The following FRMD4A variants were observed in gnomAD, a reference collection of about 807,000 sequenced individuals.
FRMD4A encodes the protein FERM domain-containing protein 4A.
Under a neutral mutation model 129.1 loss-of-function variants are expected in FRMD4A, and 29 were observed. That is an observed-to-expected ratio of 0.22 (90% CI 0.17 to 0.31). FRMD4A has a LOEUF of 0.31. Among genes scored for constraint, FRMD4A ranks in the 10% least tolerant of loss-of-function variants. The probability of loss-of-function intolerance (pLI) is 1.00; values close to 1 mark genes in which losing one functional copy is unlikely to be tolerated. For missense variants in FRMD4A, 1,272 were observed against 1,375.8 expected (o/e 0.92, Z 1.19); for synonymous variants, 634 against 571.6 (o/e 1.11, Z -1.56).
intron 24 of FRMD4A, among the ~76,000 whole-genome samples, chr10:13,650,207 CTG>C (rs2081440203): frequency 6.6e-6 from 1 of 152,116 alleles, no homozygotes; most frequent in Non-Finnish European, 1.5e-5. Flanking sequence ...GAATTTCAAA[CTG>C]AATTATTTTT....
intron 2 of FRMD4A, among the ~76,000 whole-genome samples, chr10:14,121,228 C>T (rs1838494422): frequency 6.6e-6 from 1 of 152,180 alleles, no homozygotes; most frequent in South Asian, 2.1e-4. Context: ...GTTAGCCGGG[C>T]ATGGTGGCGT....
At chr10:13,713,912 AATAT>A (rs1222175601) in intron 12 of FRMD4A, among the ~76,000 whole-genome samples, 2 of 134,918 alleles carry the variant, frequency 1.5e-5, no homozygotes, top group Non-Finnish European at 3.1e-5. Context: ...ACATATATGT[AATAT>A]ATATACATAT....
At chr10:14,152,276 C>T (rs987856856) in intron 2 of FRMD4A, among the ~76,000 whole-genome samples, 8 of 151,772 alleles carry the variant, frequency 5.3e-5, no homozygotes, top group Non-Finnish European at 8.8e-5. Context: ...TACAGACACC[C>T]GCCACCACAC....
intron 2 of FRMD4A, among the ~76,000 whole-genome samples, chr10:13,903,954 A>G (rs2094850785): frequency 6.6e-6 from 1 of 152,200 alleles, no homozygotes; most frequent in African/African-American, 2.4e-5. Context: ...TTGCAGTCTT[A>G]AGAACTTAAT....
intron 6 of FRMD4A, among the ~76,000 whole-genome samples, chr10:13,766,726 T>A (rs1450699298): frequency 1.3e-5 from 2 of 152,196 alleles, no homozygotes; most frequent in Admixed American, 1.3e-4. Context: ...TCTACCACGA[T>A]GGAGCAGAGC....
chr10:13,843,135 T>C (rs1369890429), intron 3 of FRMD4A, among the ~76,000 whole-genome samples: 1 of 152,198 alleles, frequency 6.6e-6, no homozygotes, highest in Non-Finnish European at 1.5e-5. Flanking sequence ...ACAGCCTTAA[T>C]CCAACATGCA....
chr10:14,085,051 T>A (rs1836181084), intron 2 of FRMD4A, among the ~76,000 whole-genome samples: 1 of 152,218 alleles, frequency 6.6e-6, no homozygotes, highest in Non-Finnish European at 1.5e-5. Flanking sequence ...ACGCTCTGAA[T>A]CACCTCCTTA....
At chr10:13,815,065 G>T (rs2093519615) in intron 3 of FRMD4A, among the ~76,000 whole-genome samples, 1 of 152,096 alleles carries the variant, frequency 6.6e-6, no homozygotes, top group Admixed American at 6.5e-5. Flanking sequence ...CCTACATCCT[G>T]GATATGTCCC....
chr10:13,912,906 T>A (rs891340341), intron 2 of FRMD4A, among the ~76,000 whole-genome samples: 15 of 151,676 alleles, frequency 9.9e-5, no homozygotes, highest in African/African-American at 3.4e-4. Flanking sequence ...AAACCCCATA[T>A]CTACTAAAAA....
intron 2 of FRMD4A, among the ~76,000 whole-genome samples, chr10:14,073,633 G>A (rs1047636813): frequency 2.0e-5 from 3 of 152,050 alleles, no homozygotes; most frequent in Admixed American, 6.6e-5. Flanking sequence ...GCTTGTCCAA[G>A]GGCTGCTGTA....
At chr10:13,774,544 C>A (rs888994967) in intron 6 of FRMD4A, among the ~76,000 whole-genome samples, 1 of 152,096 alleles carries the variant, frequency 6.6e-6, no homozygotes, top group Admixed American at 6.6e-5. Context: ...AGGACATGTC[C>A]CAGGCAGGAA....
intron 2 of FRMD4A, among the ~76,000 whole-genome samples, chr10:13,971,488 C>T (rs922000964): frequency 1.3e-5 from 2 of 152,162 alleles, no homozygotes; most frequent in Non-Finnish European, 2.9e-5. Context: ...CCGTATGGCA[C>T]GCATGGCACC....
Position 14,189,411 on chromosome 10 carries a change from T to A in FRMD4A, c.45+140647A>T, listed in dbSNP as rs192899591. On this transcript the variant is annotated intron_variant, in intron 2 of 24. Transcript: ENST00000357447. ...CAATATGATGAAACCTGGTCTCTACTAAAAATACAAAAAATAGTCAGGTGT... is the reference window on the plus strand; with the variant it reads ...CAATATGATGAAACCTGGTCTCTACAAAAAATACAAAAAATAGTCAGGTGT... Among the ~76,000 whole-genome samples, 144 of 152,110 alleles carry A rather than the reference T, an allele frequency of 9.5e-4. 2 individuals carry two copies. In the East Asian group the frequency reaches 0.024, roughly 26 times the overall value.
chr10:14,088,408 C>G (rs563486499), intron 2 of FRMD4A, among the ~76,000 whole-genome samples: 24 of 151,158 alleles, frequency 1.6e-4, no homozygotes, highest in African/African-American at 5.8e-4. Flanking sequence ...GATTGTGCCT[C>G]TGCTCCAGCC....
At chr10:14,163,078 TGTG>T (rs1360473111) in intron 2 of FRMD4A, among the ~76,000 whole-genome samples, 1 of 152,174 alleles carries the variant, frequency 6.6e-6, no homozygotes, top group Non-Finnish European at 1.5e-5. Flanking sequence ...GTGGATGTAA[TGTG>T]GGGGTTATTT....
At chr10:14,197,604 G>A (rs916101280) in intron 2 of FRMD4A, among the ~76,000 whole-genome samples, 7 of 152,060 alleles carry the variant, frequency 4.6e-5, no homozygotes, top group East Asian at 1.9e-4. Context: ...CAAGTGATCC[G>A]CCCACCTCTG....
At chr10:14,321,528 G>T (rs1843050483) in intron 2 of FRMD4A, among the ~76,000 whole-genome samples, 1 of 152,084 alleles carries the variant, frequency 6.6e-6, no homozygotes, top group Admixed American at 6.5e-5. Flanking sequence ...TGGAGGAAGG[G>T]ACCCTGGGAC....
chr10:14,259,071 A>G (rs1844712563), intron 2 of FRMD4A, among the ~76,000 whole-genome samples: 1 of 152,196 alleles, frequency 6.6e-6, no homozygotes, highest in Non-Finnish European at 1.5e-5. Flanking sequence ...GTTCACTTTT[A>G]TTATTATAGT....
chr10:13,729,070 A>T (rs1173846516), intron 12 of FRMD4A, among the ~76,000 whole-genome samples: 5 of 149,852 alleles, frequency 3.3e-5, no homozygotes, highest in Admixed American at 3.3e-4. Context: ...CATGCCCTCC[A>T]CCTCCTACTC....
Sources: gnomAD v4.1 joint callset for allele counts (sites outside exome capture counted in the v4.1 genomes callset) on GRCh38, gnomAD v4.1.1 for gene constraint, MANE v1.5 for transcripts, NCBI Gene and HGNC (gene_info 2026-07-23, HGNC 2026-07-21) for gene names.